Variants in XPO1 observed in about 807,000 individuals in gnomAD.
The protein encoded by XPO1 is exportin-1.
Under a neutral mutation model 133.3 loss-of-function variants are expected in XPO1, and 5 were observed. That is an observed-to-expected ratio of 0.04 (90% CI 0.02 to 0.08). The LOEUF (loss-of-function observed/expected upper bound fraction) is 0.08, where lower values mean the gene tolerates loss of function less well. Ranked by LOEUF, XPO1 falls within the 10% of genes least tolerant of loss-of-function variation. The pLI, the probability that XPO1 is intolerant of heterozygous loss-of-function variation, is 1.00. For missense variants in XPO1, 506 were observed against 1,267.5 expected (o/e 0.40, Z 9.12); for synonymous variants, 419 against 408.2 (o/e 1.03, Z -0.32).
chr2:61,514,113 G>C (rs1239459526), intron 4 of XPO1, among the ~76,000 whole-genome samples: 1 of 151,774 alleles, frequency 6.6e-6, no homozygotes, highest in Non-Finnish European at 1.5e-5. Context: ...CTTGAACCCA[G>C]GAGGCAGAGG....
chr2:61,527,479 AC>A (rs535544325), intron 2 of XPO1, among the ~76,000 whole-genome samples: 13 of 152,064 alleles, frequency 8.5e-5, no homozygotes, highest in Non-Finnish European at 1.5e-4. Flanking sequence ...AAGAGCAGAG[AC>A]CCTGTCTCTA....
chr2:61,533,235 AT>A (rs754208388), intron 2 of XPO1, among the ~76,000 whole-genome samples: 33 of 152,338 alleles, frequency 2.2e-4, no homozygotes, highest in South Asian at 1.4e-3. Flanking sequence ...GACATATACA[AT>A]TTAAAATTGT....
At chr2:61,494,251 T>A in intron 11 of XPO1, 160 bp from the exon 12 acceptor site, 1 of 628,422 alleles carries the variant, frequency 1.6e-6, no homozygotes, top group Non-Finnish European at 2.7e-6. Context: ...CTGGAGTAAC[T>A]CTGCTTCTTC....
chr2:61,479,444 C>G (rs960018262), intron 24 of XPO1, among the ~76,000 whole-genome samples: 1 of 129,704 alleles, frequency 7.7e-6, no homozygotes, highest in African/African-American at 2.9e-5. Context: ...AAAAGCGAGA[C>G]TGTGCCCCCC....
intron 2 of XPO1, among the ~76,000 whole-genome samples, chr2:61,530,882 C>T (rs1699122380): frequency 6.6e-6 from 1 of 151,966 alleles, no homozygotes; most frequent in African/African-American, 2.4e-5. Flanking sequence ...TATGCTAAAT[C>T]ATTTTCATTA....
In XPO1 at chr2:61,482,466, T is replaced by G; in HGVS notation, c.2886A>C (p.Leu962Phe). 6.2e-7 allele frequency: 1 copy of G among 1,613,814 alleles called. No homozygotes were observed. The highest frequency in any genetic ancestry group is 8.5e-7 in the Non-Finnish European group (1 of 1,179,836). The change falls in exon 23 of 25, where the codon TTA becomes TTC. Residue 962 changes from leucine to phenylalanine, a missense_variant. Transcript: ENST00000401558. ...LVEEGKISTS[L>F]NPGNPVNNQI... ...GGTTGTTAACTGGATTTCCAGGATTTAATGATGTACTTATTTTTCCTTCTT... is the reference window on the plus strand; with the variant it reads ...GGTTGTTAACTGGATTTCCAGGATTGAATGATGTACTTATTTTTCCTTCTT...
At position 61,485,752 on chromosome 2, in the gene XPO1, C is replaced by T; in HGVS notation, c.2508+16G>A. 6.3e-7 allele frequency: 1 copy of T among 1,585,030 alleles called. No homozygotes were observed. Among genetic ancestry groups the T allele is most frequent in the Non-Finnish European group, 8.6e-7 (1 of 1,160,424 alleles). The stretch of plus-strand genomic sequence containing the variant: ...CCTGCAGAATTTCCCCCTTACATAA[C>T]TGAAATATTACACACCTTATTTATC... On this transcript the variant is annotated intron_variant, in intron 20 of 24. Coordinates refer to ENST00000401558, the MANE Select transcript of XPO1 (RefSeq NM_003400.4).
At position 61,498,850 on chromosome 2, in the gene XPO1, A is replaced by G; in HGVS notation, c.639+15T>C. Reference sequence around the variant, plus strand: ...TCCTATTATTGTTTTTAAAAATGAAATTAAAAACACTTACCATTACAAACT... The same window carrying G: ...TCCTATTATTGTTTTTAAAAATGAAGTTAAAAACACTTACCATTACAAACT... On this transcript the variant is annotated intron_variant, in intron 8 of 24. Coordinates refer to ENST00000401558, the MANE Select transcript of XPO1 (RefSeq NM_003400.4). 6.2e-7 allele frequency: 1 copy of G among 1,606,990 alleles called. No individual in the cohort carries two copies. The highest frequency in any genetic ancestry group is 1.1e-5 in the South Asian group (1 of 89,598).
At chr2:61,479,118 T>A in intron 24 of XPO1, 152 bp from the exon 25 acceptor site, 1 of 843,840 alleles carries the variant, frequency 1.2e-6, no homozygotes, top group Non-Finnish European at 1.8e-6. Flanking sequence ...TGACACAGTA[T>A]ACTACATAGC....
chr2:61,520,909 A>T (rs149323605), intron 4 of XPO1, among the ~76,000 whole-genome samples: 2 of 152,180 alleles, frequency 1.3e-5, no homozygotes, highest in African/African-American at 4.8e-5. Context: ...TGGGGCTCAT[A>T]ACACATGAGT....
At chr2:61,490,439 TC>T (rs1696924055) in intron 17 of XPO1, among the ~76,000 whole-genome samples, 2 of 152,010 alleles carry the variant, frequency 1.3e-5, no homozygotes, top group African/African-American at 4.8e-5. Flanking sequence ...CCTCAGGTGA[TC>T]CGCCCGCCTC....
Position 61,492,651 on chromosome 2 carries a change from C to T in XPO1, c.1482G>A (p.Leu494=), listed in dbSNP as rs1697052287. 1 of 1,613,818 alleles carries T rather than the reference C, an allele frequency of 6.2e-7. No individual in the cohort carries two copies. The highest frequency in any genetic ancestry group is 1.7e-5 in the Admixed American group (1 of 59,992). ...AGCCTATTGCCCAACACAATGTATT[C>T]AAATTTTTCCATGACCACTCTGTAC... ...VNGTEWSWKN[L]NTLCWAIGSI... is the part of the protein sequence containing the mutation. The change falls in exon 14 of 25, where the codon TTG becomes TTA. Residue 494 remains leucine, a synonymous_variant. Coordinates refer to ENST00000401558, the MANE Select transcript of XPO1 (RefSeq NM_003400.4). The surrounding 1 kb of genome is among the most constrained non-coding windows in gnomAD (Gnocchi z 5.6).
chr2:61,535,376 T>C (rs1036613778), intron 1 of XPO1, among the ~76,000 whole-genome samples: 1 of 152,172 alleles, frequency 6.6e-6, no homozygotes, highest in African/African-American at 2.4e-5. Context: ...ACTCCCAGTT[T>C]AGTGTATTTA....
chr2:61,528,463 T>A (rs1321569595), intron 2 of XPO1, among the ~76,000 whole-genome samples: 2 of 151,732 alleles, frequency 1.3e-5, no homozygotes, highest in Non-Finnish European at 2.9e-5. Flanking sequence ...CGAAACCCCA[T>A]CTCTACTAAA....
At chr2:61,483,884 A>G in intron 21 of XPO1, 53 bp downstream of exon 21, 1 of 1,570,940 alleles carries the variant, frequency 6.4e-7, no homozygotes, top group Non-Finnish European at 8.7e-7. Context: ...AATTAACTAT[A>G]TTTGTATTTT....
At chr2:61,483,905 G>T in intron 21 of XPO1, 32 bp downstream of exon 21, 2 of 1,602,430 alleles carry the variant, frequency 1.2e-6, no homozygotes, top group South Asian at 1.1e-5. Context: ...TGGATTGGCA[G>T]GCAAATGAAT....
intron 1 of XPO1, among the ~76,000 whole-genome samples, chr2:61,535,339 C>G (rs568473211): frequency 3.3e-5 from 5 of 152,158 alleles, no homozygotes; most frequent in Admixed American, 6.5e-5. Flanking sequence ...ATAGAGGATT[C>G]AGGACATCCT....
At chr2:61,481,902 AT>A (rs1441949862) in intron 23 of XPO1, among the ~76,000 whole-genome samples, 2 of 150,886 alleles carry the variant, frequency 1.3e-5, no homozygotes, top group Admixed American at 1.3e-4. Flanking sequence ...TGCCCAACTA[AT>A]TTTTTGTATT....
chr2:61,502,790 A>G (rs1247934510), intron 4 of XPO1, among the ~76,000 whole-genome samples: 1 of 152,054 alleles, frequency 6.6e-6, no homozygotes, highest in East Asian at 1.9e-4. Flanking sequence ...TCATATTTTT[A>G]AAGATGGGAT....
Sources: allele counts gnomAD v4.1 joint callset (sites outside exome capture counted in the v4.1 genomes callset), GRCh38; gene constraint gnomAD v4.1.1; non-coding constraint Gnocchi (gnomAD v3.1); transcripts MANE v1.5; gene names NCBI Gene and HGNC (gene_info 2026-07-23, HGNC 2026-07-21).